Variants in RANBP2 observed in about 807,000 individuals in gnomAD.
The protein encoded by RANBP2 is E3 SUMO-protein ligase RanBP2.
Under a neutral mutation model 303.6 loss-of-function variants are expected in RANBP2, and 57 were observed. That is an observed-to-expected ratio of 0.19 (90% CI 0.15 to 0.23). RANBP2 has a LOEUF of 0.23. Among genes scored for constraint, RANBP2 ranks in the 10% least tolerant of loss-of-function variants. RANBP2 has a pLI of 1.00. For missense variants in RANBP2, 3,138 were observed against 3,780.8 expected, an observed-to-expected ratio of 0.83 and a Z score of 4.46; for synonymous variants, 1,167 against 1,301.5, an observed-to-expected ratio of 0.90 and a Z score of 2.23.
chr2:109,231,375 A>C, the RANBP2 span, among the ~76,000 whole-genome samples: 1 of 152,266 alleles, frequency 6.6e-6, no homozygotes, highest in Non-Finnish European at 1.5e-5. Flanking sequence ...TAATGCAGTT[A>C]TCACCACGTT....
the RANBP2 span, among the ~76,000 whole-genome samples, chr2:109,274,635 G>A: frequency 2.0e-5 from 3 of 152,284 alleles, no homozygotes; most frequent in African/African-American, 4.8e-5. Context: ...GAGAAGAGGC[G>A]GCAATGGAGC....
At chr2:108,929,990 G>A in the RANBP2 span, 8 of 1,147,126 alleles carry the variant, frequency 7.0e-6, no homozygotes, top group South Asian at 6.4e-5. Context: ...CAACGTCCAG[G>A]GAGCGTGACC....
At chr2:109,537,950 A>AACAC in the RANBP2 span, among the ~76,000 whole-genome samples, 6 of 151,882 alleles carry the variant, frequency 4.0e-5, no homozygotes, top group South Asian at 1.2e-3. Flanking sequence ...CCTGTCTCAA[A>AACAC]ACACACACAC....
At chr2:108,813,014 CTG>C in the RANBP2 span, 3 of 1,021,312 alleles carry the variant, frequency 2.9e-6, no homozygotes, top group Non-Finnish European at 4.4e-6. Flanking sequence ...CTTTGGGAGG[CTG>C]AGATGGGCGG....
chr2:109,342,530 T>C, the RANBP2 span, among the ~76,000 whole-genome samples: 1 of 152,196 alleles, frequency 6.6e-6, no homozygotes, highest in Admixed American at 6.5e-5. Context: ...GATTGCATCC[T>C]TAGGGTCTTA....
At chr2:109,705,224 G>T in the RANBP2 span, among the ~76,000 whole-genome samples, 1 of 152,064 alleles carries the variant, frequency 6.6e-6, no homozygotes, top group African/African-American at 2.4e-5. Flanking sequence ...GACCAATATG[G>T]AGAAACCCCA....
intron 4 of RANBP2, 59 bp from the exon 5 acceptor site, chr2:108,735,473 A>G: frequency 2.5e-6 from 4 of 1,597,172 alleles, no homozygotes; most frequent in Non-Finnish European, 2.5e-6. Context: ...TGGGAGCATG[A>G]CTTGTTTAAA....
chr2:108,754,870 A>C (rs1296770013), intron 15 of RANBP2, 35 bp from the exon 16 acceptor site: 1 of 1,608,218 alleles, frequency 6.2e-7, no homozygotes, highest in Non-Finnish European at 8.5e-7. Flanking sequence ...ATTTTTTGCA[A>C]ATGAAAGCCC....
chr2:109,166,799 G>T, the RANBP2 span, among the ~76,000 whole-genome samples: 1 of 152,194 alleles, frequency 6.6e-6, no homozygotes, highest in African/African-American at 2.4e-5. Context: ...GGTTAAAACT[G>T]TAAGTACAAA....
chr2:109,645,670 C>A, the RANBP2 span, among the ~76,000 whole-genome samples: 1 of 152,134 alleles, frequency 6.6e-6, no homozygotes, highest in Non-Finnish European at 1.5e-5. Flanking sequence ...CTGGAATTCC[C>A]GACCCTTCAC....
chr2:109,683,029 G>A, the RANBP2 span, among the ~76,000 whole-genome samples: 3 of 152,172 alleles, frequency 2.0e-5, no homozygotes, highest in South Asian at 2.1e-4. Context: ...ATTTGGAGAC[G>A]GAGTCTTGCT....
intron 7 of RANBP2, among the ~76,000 whole-genome samples, chr2:108,746,414 G>T (rs1478856628): frequency 1.3e-5 from 2 of 148,562 alleles, no homozygotes; most frequent in African/African-American, 5.0e-5. Context: ...GTAGAGACTG[G>T]GTTTCACCAT....
chr2:108,788,790 G>C (rs1679401382), downstream of RANBP2: 1 of 1,604,696 alleles, frequency 6.2e-7, no homozygotes, highest in Admixed American at 1.7e-5. Context: ...CTTATGGCCA[G>C]TGCCAGATAT....
At chr2:109,385,441 G>GTAT in the RANBP2 span, among the ~76,000 whole-genome samples, 1 of 152,206 alleles carries the variant, frequency 6.6e-6, no homozygotes, top group Non-Finnish European at 1.5e-5. Flanking sequence ...TAGTAGCAGC[G>GTAT]TGTTGTTTTT....
At chr2:108,812,977 C>T in the RANBP2 span, 41 of 1,494,978 alleles carry the variant, frequency 2.7e-5, no homozygotes, top group African/African-American at 4.1e-5. Context: ...CGGCTGGGTA[C>T]GGTGGCTCAC....
the RANBP2 span, among the ~76,000 whole-genome samples, chr2:109,087,069 C>A: frequency 1.3e-4 from 20 of 152,174 alleles, no homozygotes; most frequent in African/African-American, 4.8e-4. Flanking sequence ...ACAGGGGACC[C>A]CCTGAAGACA....
chr2:108,957,492 CA>C, the RANBP2 span, among the ~76,000 whole-genome samples: 10 of 152,214 alleles, frequency 6.6e-5, no homozygotes, highest in Non-Finnish European at 1.5e-4. Flanking sequence ...GGAGGCCCCC[CA>C]GGGGGCTGGA....
the RANBP2 span, among the ~76,000 whole-genome samples, chr2:108,808,986 G>T: frequency 6.6e-6 from 1 of 152,126 alleles, no homozygotes; most frequent in African/African-American, 2.4e-5. Context: ...ATTTTGGGTT[G>T]ATTTTTGTCT....
the RANBP2 span, among the ~76,000 whole-genome samples, chr2:109,243,283 G>A: frequency 2.6e-5 from 4 of 152,348 alleles, no homozygotes; most frequent in Admixed American, 6.5e-5. Flanking sequence ...GGCGTCAGCC[G>A]TACACCGCAT....
Sources: allele counts gnomAD v4.1 joint callset (sites outside exome capture counted in the v4.1 genomes callset), GRCh38; gene constraint gnomAD v4.1.1; transcripts MANE v1.5; gene names NCBI Gene and HGNC (gene_info 2026-07-23, HGNC 2026-07-21).